AQP11: variants seen among roughly 807,000 people sequenced by gnomAD.
AQP11 encodes aquaporin 11.
AQP11 carries 20 observed loss-of-function variants against 21.1 expected under a neutral mutation model. That is an observed-to-expected ratio of 0.95 (90% CI 0.67 to 1.38). AQP11 has a LOEUF of 1.38. Ranked by LOEUF, AQP11 falls within the 40% of genes most tolerant of loss-of-function variation. AQP11 has a pLI of 0.00. For synonymous variants in AQP11, 167 were observed against 150.1 expected (o/e 1.11, Z -0.82); for missense variants, 339 against 340.4 (o/e 1.00, Z 0.03).
At chr11:77,607,314 G>A (rs181990872) in intron 2 of AQP11, among the ~76,000 whole-genome samples, 1 of 152,232 alleles carries the variant, frequency 6.6e-6, no homozygotes, top group Non-Finnish European at 1.5e-5. Flanking sequence ...AAAGAGTTAA[G>A]AGATGAGGAG....
chr11:77,597,736 A>C (rs1007935529), intron 1 of AQP11, among the ~76,000 whole-genome samples: 6 of 152,060 alleles, frequency 3.9e-5, no homozygotes, highest in Admixed American at 3.9e-4. Context: ...CAGGCTTGTC[A>C]TTAGAGAGGT....
intron 2 of AQP11, among the ~76,000 whole-genome samples, chr11:77,608,393 G>T (rs898456627): frequency 6.6e-6 from 1 of 152,092 alleles, no homozygotes; most frequent in Admixed American, 6.5e-5. Flanking sequence ...GAGGCCAAGG[G>T]GGGTGGATCA....
intron 1 of AQP11, among the ~76,000 whole-genome samples, chr11:77,600,072 G>C (rs1353178234): frequency 6.6e-6 from 1 of 151,160 alleles, no homozygotes; most frequent in Non-Finnish European, 1.5e-5. Context: ...CAGTTCTCCT[G>C]CCTGAGCCTT....
At chr11:77,606,384 A>T (rs1276457469) in intron 2 of AQP11, among the ~76,000 whole-genome samples, 1 of 152,196 alleles carries the variant, frequency 6.6e-6, no homozygotes, top group Non-Finnish European at 1.5e-5. Flanking sequence ...CAGAGCAGAA[A>T]GTGTGATAGG....
rs533892220 is a variant in AQP11 at position 77,601,006 on chromosome 11, C to T, written c.620-2550C>T. Among the ~76,000 whole-genome samples, 378 of 147,960 alleles carry T rather than the reference C, an allele frequency of 2.6e-3. 6 individuals carry two copies. The highest frequency in any genetic ancestry group is 9.1e-3 in the African/African-American group (363 of 39,902). On this transcript the variant is annotated intron_variant, in intron 1 of 2. Coordinates refer to ENST00000313578, the MANE Select transcript of AQP11 (RefSeq NM_173039.3). ...CAGCCTGGGCGACAGAGCGAGACTCCGTCTCAAAAAAAAAAAAAAAAAATC... is the reference window on the plus strand; with the variant it reads ...CAGCCTGGGCGACAGAGCGAGACTCTGTCTCAAAAAAAAAAAAAAAAAATC...
intron 1 of AQP11, among the ~76,000 whole-genome samples, chr11:77,602,624 C>G (rs191938202): frequency 6.6e-6 from 1 of 152,324 alleles, no homozygotes; most frequent in Admixed American, 6.5e-5. Context: ...TTCATCTCAA[C>G]ACAGCTTCAT....
In AQP11 at chr11:77,589,956, G is replaced by C; in HGVS notation, c.-37G>C. 7.0e-7 allele frequency: 1 copy of C among 1,434,992 alleles called. No individual in the cohort carries two copies. Among genetic ancestry groups the C allele is most frequent in the Non-Finnish European group, 9.1e-7 (1 of 1,101,526 alleles). The allele number at this position is 1,434,992 out of a possible 1,614,324, so 88.9% of individuals were successfully genotyped here. ...GCCTGGAGACCGCCTCCTACCCAGA[G>C]CCGGAGCCCGCAACCCGCTCAGGCG... On this transcript the variant is annotated 5_prime_UTR_variant, in exon 1 of 3. Coordinates refer to ENST00000313578, the MANE Select transcript of AQP11 (RefSeq NM_173039.3).
rs767451693 is a variant in AQP11, at chr11:77,589,970, C to T, written c.-23C>T. The T allele has an allele frequency of 3.4e-5, 50 of 1,454,110 alleles. No individual in the cohort carries two copies. The highest frequency in any genetic ancestry group is 1.1e-4 in the Admixed American group (4 of 37,348). The allele number at this position is 1,454,110 out of a possible 1,614,324, so 90.1% of individuals were successfully genotyped here. On this transcript the variant is annotated 5_prime_UTR_variant, in exon 1 of 3. Transcript: ENST00000313578. The stretch of plus-strand genomic sequence containing the variant: ...TCCTACCCAGAGCCGGAGCCCGCAA[C>T]CCGCTCAGGCGGCGACGGAGCCATG...
intron 1 of AQP11, among the ~76,000 whole-genome samples, chr11:77,596,537 A>AT (rs1958782852): frequency 4.0e-4 from 35 of 86,572 alleles, no homozygotes; most frequent in African/African-American, 1.5e-3. Flanking sequence ...TATATATGTA[A>AT]ATATATATAT....
chr11:77,608,541 A>G (rs1284620722), intron 2 of AQP11, among the ~76,000 whole-genome samples: 1 of 152,206 alleles, frequency 6.6e-6, no homozygotes, highest in Non-Finnish European at 1.5e-5. Flanking sequence ...TGAACCTGGC[A>G]GGGAGAGGTT....
At position 77,590,015 on chromosome 11, in the gene AQP11, G is replaced by T. The variant is rs749290888; in HGVS notation, c.23G>T (p.Arg8Leu). 1 of 1,512,152 alleles carries T rather than the reference G, an allele frequency of 6.6e-7. No homozygotes were observed. Among genetic ancestry groups the T allele is most frequent in the South Asian group, 1.3e-5 (1 of 77,908 alleles). 93.7% of individuals were successfully genotyped at this position (1,512,152 alleles called of 1,614,324 possible). A position where few individuals can be genotyped will look rare whatever the true frequency, so the allele number is the denominator to read the frequency against. MSPLLGL[R>L]SELQDTCTSL... ...GCCATGTCGCCGCTGCTGGGGCTCC[G>T]GTCCGAGCTGCAGGACACCTGCACC... Residue 8 changes from arginine to leucine, a missense_variant, in exon 1 of 3, where the codon CGG becomes CTG. Coordinates refer to ENST00000313578, the MANE Select transcript of AQP11 (RefSeq NM_173039.3).
chr11:77,602,028 T>A (rs535634711), intron 1 of AQP11, among the ~76,000 whole-genome samples: 5 of 152,346 alleles, frequency 3.3e-5, no homozygotes, highest in African/African-American at 4.8e-5. Flanking sequence ...AGCCAGCTCA[T>A]TTTTAAGAGA....
intron 2 of AQP11, among the ~76,000 whole-genome samples, chr11:77,604,207 C>T (rs1436450812): frequency 6.6e-6 from 1 of 152,114 alleles, no homozygotes; most frequent in Non-Finnish European, 1.5e-5. Context: ...GCTTGAACTC[C>T]TGGGCACAAG....
At chr11:77,606,905 ATTTTCGAATTC>A (rs760280406) in intron 2 of AQP11, among the ~76,000 whole-genome samples, 1 of 152,096 alleles carries the variant, frequency 6.6e-6, no homozygotes, top group African/African-American at 2.4e-5. Flanking sequence ...GAGATCAAAC[ATTTTCGAATTC>A]ATATGATACT....
At chr11:77,592,743 C>T (rs907501116) in intron 1 of AQP11, among the ~76,000 whole-genome samples, 13 of 152,206 alleles carry the variant, frequency 8.5e-5, no homozygotes, top group African/African-American at 3.1e-4. Flanking sequence ...AAAATATCAA[C>T]AGATCAAAAA....
chr11:77,597,528 C>T (rs1208716705), intron 1 of AQP11, among the ~76,000 whole-genome samples: 1 of 152,006 alleles, frequency 6.6e-6, no homozygotes, highest in Non-Finnish European at 1.5e-5. Context: ...GCTGAGATTG[C>T]ACCACTGCAC....
At chr11:77,591,821 C>T (rs1424747310) in intron 1 of AQP11, among the ~76,000 whole-genome samples, 1 of 152,194 alleles carries the variant, frequency 6.6e-6, no homozygotes, top group South Asian at 2.1e-4. Context: ...TTGCAGTGAG[C>T]TGAGATCGCG....
chr11:77,596,537 A>AATATATATATATATATATATATATGTAT (rs1958783170), intron 1 of AQP11, among the ~76,000 whole-genome samples: 2 of 86,576 alleles, frequency 2.3e-5, no homozygotes, highest in Non-Finnish European at 4.6e-5. Context: ...TATATATGTA[A>AATATATATATATATATATATATATGTAT]ATATATATAT....
chr11:77,600,246 G>C (rs1167378610), intron 1 of AQP11, among the ~76,000 whole-genome samples: 2 of 151,862 alleles, frequency 1.3e-5, no homozygotes, highest in Non-Finnish European at 2.9e-5. Context: ...TGGGATTACA[G>C]GTGTGAGCCA....
Sources: gnomAD v4.1 joint callset for allele counts (sites outside exome capture counted in the v4.1 genomes callset) on GRCh38, gnomAD v4.1.1 for gene constraint, MANE v1.5 for transcripts, NCBI Gene and HGNC (gene_info 2026-07-23, HGNC 2026-07-21) for gene names.